Variants in CR1L observed in about 807,000 individuals in gnomAD.
CR1L encodes complement C3b/C4b receptor 1 like.
Under a neutral mutation model 62.3 loss-of-function variants are expected in CR1L, and 59 were observed. The ratio of observed to expected loss-of-function variants is 0.95; its 90% CI spans 0.77 to 1.18. The LOEUF is 1.18. CR1L is among the 50% of genes most tolerant of loss of function. CR1L has a pLI of 0.00. For synonymous variants in CR1L, 279 were observed against 248.7 expected, an observed-to-expected ratio of 1.12 and a Z score of -1.15; for missense variants, 700 against 702.8, an observed-to-expected ratio of 1.00 and a Z score of 0.04.
At chr1:207,701,799 T>C in intron 9 of CR1L, 181 bp downstream of exon 9, 1 of 922,558 alleles carries the variant, frequency 1.1e-6, no homozygotes. Context: ...ATCTGTGTCC[T>C]TGCTGGAAAC....
At position 207,675,560 on chromosome 1, in the gene CR1L, G is replaced by A. The variant is rs370448222; in HGVS notation, c.98-1829G>A. ...CACACCTTGGTGAGGGGACCCAGTG[G>A]TAAGAGATGAAGCAGGAAACATAGA... On this transcript the variant is annotated intron_variant, in intron 1 of 11. Transcript: ENST00000508064. 1.8e-4 allele frequency among the ~76,000 whole-genome samples: 27 copies of A among 152,330 alleles called. No homozygotes were observed. The East Asian group carries it at 2.3e-3, about 13-fold the overall frequency.
chr1:207,721,753 T>A (rs1654140707), intron 11 of CR1L, among the ~76,000 whole-genome samples: 2 of 151,874 alleles, frequency 1.3e-5, no homozygotes, highest in Admixed American at 1.3e-4. Flanking sequence ...TCTAGATCGC[T>A]GAGGAATCGC....
chr1:207,655,857 T>C lies in CR1L; in HGVS notation c.97+10527T>C, dbSNP rs551286373. On this transcript the variant is annotated intron_variant, in intron 1 of 11. Transcript: ENST00000508064. The stretch of plus-strand genomic sequence containing the variant: ...AGAATAGTGGCATTGTTCACATTTT[T>C]TGCACATCTCTTCAACACCTAACTT... 2.6e-5 allele frequency among the ~76,000 whole-genome samples: 4 copies of C among 152,356 alleles called. No individual in the cohort carries two copies. The South Asian group carries it at 8.3e-4, about 32-fold the overall frequency.
chr1:207,687,947 C>CT (rs1229013538), intron 4 of CR1L, among the ~76,000 whole-genome samples: 1 of 151,938 alleles, frequency 6.6e-6, no homozygotes, highest in South Asian at 2.1e-4. Flanking sequence ...ATTTATGGGT[C>CT]TTTTTTTCCA....
intron 1 of CR1L, chr1:207,658,319 G>C (rs79576949): frequency 1.6e-5 from 2 of 123,966 alleles, no homozygotes; most frequent in East Asian, 4.7e-4. Context: ...AAAAAAAATA[G>C]AGAAGATCAA....
intron 3 of CR1L, among the ~76,000 whole-genome samples, chr1:207,682,407 G>C (rs1371981914): frequency 6.6e-6 from 1 of 152,070 alleles, no homozygotes; most frequent in African/African-American, 2.4e-5. Flanking sequence ...GGGAGGTGGA[G>C]GTTGCAGTGA....
chr1:207,706,009 GTA>G (rs1375986857), intron 9 of CR1L, among the ~76,000 whole-genome samples: 3 of 58,952 alleles, frequency 5.1e-5, no homozygotes, highest in African/African-American at 1.4e-4. Context: ...ATGTGTGTGT[GTA>G]TGTATATATA....
At chr1:207,676,189 T>C (rs1663689240) in intron 1 of CR1L, among the ~76,000 whole-genome samples, 1 of 152,188 alleles carries the variant, frequency 6.6e-6, no homozygotes. Flanking sequence ...TAGTGAAAGA[T>C]GATATAAATA....
intron 1 of CR1L, among the ~76,000 whole-genome samples, chr1:207,651,909 A>G (rs911413420): frequency 3.9e-5 from 6 of 152,260 alleles, no homozygotes; most frequent in African/African-American, 1.4e-4. Flanking sequence ...CACTTGTCAG[A>G]TGCTCAGTTC....
chr1:207,645,576 C>T (rs533981720), intron 1 of CR1L, among the ~76,000 whole-genome samples: 1 of 152,162 alleles, frequency 6.6e-6, no homozygotes, highest in African/African-American at 2.4e-5. Context: ...GATCTGGCTG[C>T]GTTCCCAAAA....
rs1663729550 is a variant in CR1L, at chr1:207,678,122, C to CAT, written c.278-75_278-74insTA. ...CATGTGTTCCTCAGTAAGCTATAGG[C>CAT]AGGTTGAGACCTTATGTACTAAAAA... On this transcript the variant is annotated intron_variant, in intron 2 of 11. Transcript: ENST00000508064. 4 of 1,261,474 alleles carry CAT rather than the reference C, an allele frequency of 3.2e-6. No homozygotes were observed. The African/African-American group carries it at 5.9e-5, about 19-fold the overall frequency. The allele number at this position is 1,261,474 out of a possible 1,614,324, so 78.1% of individuals were successfully genotyped here. A position where few individuals can be genotyped will look rare whatever the true frequency, so the allele number is the denominator to read the frequency against.
At position 207,662,414 on chromosome 1, in the gene CR1L, T is replaced by A. The variant is rs146641380; in HGVS notation, c.98-14975T>A. ...GATTCATTTGATCTTCCATCTCTGA[T>A]ACCCTTTCTTCCAGTTGATTGAATC... On this transcript the variant is annotated intron_variant, in intron 1 of 11. Transcript: ENST00000508064. Among the ~76,000 whole-genome samples, 919 of 152,364 alleles carry A rather than the reference T, an allele frequency of 6.0e-3. 6 individuals carry two copies. The highest frequency in any genetic ancestry group is 0.021 in the African/African-American group (863 of 41,590).
Position 207,677,426 on chromosome 1 carries a change from G to A in CR1L, c.135G>A (p.Arg45=). The A allele has an allele frequency of 1.9e-6, 3 of 1,612,912 alleles. No individual in the cohort carries two copies. The highest frequency in any genetic ancestry group is 2.2e-5 in the South Asian group (2 of 90,946). ...TCCCGGAATGGCTTCCATTTGCCAG[G>A]CCTACCAACCTAACTGATGACTTTG... ...CNVPEWLPFA[R]PTNLTDDFEF... Residue 45 remains arginine, a synonymous_variant, in exon 2 of 12, where the codon AGG becomes AGA. Transcript: ENST00000508064.
chr1:207,714,449 G>A (rs1437421006), intron 10 of CR1L, among the ~76,000 whole-genome samples: 1 of 152,108 alleles, frequency 6.6e-6, no homozygotes, highest in East Asian at 1.9e-4. Flanking sequence ...TTGTAGCTAG[G>A]CTTTAAACTG....
At chr1:207,712,442 A>G (rs997864152) in intron 10 of CR1L, among the ~76,000 whole-genome samples, 6 of 152,182 alleles carry the variant, frequency 3.9e-5, no homozygotes, top group African/African-American at 1.4e-4. Flanking sequence ...CCTTTTACTA[A>G]CTATGAGGCC....
intron 10 of CR1L, chr1:207,710,275 T>A (rs1165771799): frequency 4.0e-5 from 28 of 697,190 alleles, no homozygotes; most frequent in Non-Finnish European, 6.5e-5. Context: ...CCTGGGAAGT[T>A]GAGATTGCAG....
Position 207,694,427 on chromosome 1 carries a change from G to A in CR1L, c.538G>A (p.Gly180Arg), listed in dbSNP as rs762163546. 1.2e-6 allele frequency: 2 copies of A among 1,613,968 alleles called. No homozygotes were observed. The highest frequency in any genetic ancestry group is 4.5e-5 in the East Asian group (2 of 44,888). The change falls in exon 5 of 12, where the codon GGA (glycine) becomes AGA (arginine). Residue 180 changes from glycine (G) to arginine (R), a missense_variant. Transcript: ENST00000508064. ...TSISREYFHY[G>R]SVVTYHCNLG... ...CATCAGCAGAGAGTATTTTCACTAT[G>A]GATCAGTGGTGACCTACCACTGCAA...
intron 1 of CR1L, among the ~76,000 whole-genome samples, chr1:207,651,534 A>G (rs1663223887): frequency 6.6e-6 from 1 of 152,174 alleles, no homozygotes; most frequent in African/African-American, 2.4e-5. Context: ...TGGTCCTTCC[A>G]CTATAGAAGA....
At chr1:207,681,854 A>C (rs576019009) in intron 3 of CR1L, among the ~76,000 whole-genome samples, 3 of 152,302 alleles carry the variant, frequency 2.0e-5, no homozygotes, top group Admixed American at 6.5e-5. Flanking sequence ...ATTTGTGTGC[A>C]TGTGTGTTGG....
Sources: allele counts gnomAD v4.1 joint callset (sites outside exome capture counted in the v4.1 genomes callset), GRCh38; gene constraint gnomAD v4.1.1; transcripts MANE v1.5; gene names NCBI Gene and HGNC (gene_info 2026-07-23, HGNC 2026-07-21).